Variants in GRK3 observed in about 807,000 individuals in gnomAD.
The protein encoded by GRK3 is G protein-coupled receptor kinase 3, also known as adrenergic, beta, receptor kinase 2.
Under a neutral mutation model 95.7 loss-of-function variants are expected in GRK3, and 54 were observed. The ratio of observed to expected loss-of-function variants is 0.56; its 90% confidence interval spans 0.45 to 0.71. The LOEUF (loss-of-function observed/expected upper bound fraction) is 0.71, where lower values mean the gene tolerates loss of function less well. GRK3 is among the 30% of genes least tolerant of loss of function. The pLI is 0.00. For synonymous variants in GRK3, 281 were observed against 290.8 expected, an observed-to-expected ratio of 0.97 and a Z score of 0.34; for missense variants, 649 against 851.2, an observed-to-expected ratio of 0.76 and a Z score of 2.96.
chr22:25,677,595 G>A (rs561494988), intron 8 of GRK3, among the ~76,000 whole-genome samples: 5 of 152,182 alleles, frequency 3.3e-5, no homozygotes, highest in African/African-American at 7.2e-5. Context: ...GTAAGAACTC[G>A]TAGAAAAGTG....
At chr22:25,596,079 A>G (rs1330539435) in intron 1 of GRK3, among the ~76,000 whole-genome samples, 1 of 152,252 alleles carries the variant, frequency 6.6e-6, no homozygotes, top group Non-Finnish European at 1.5e-5. Context: ...AGAAGGGAAG[A>G]GTAAAAATCA....
At chr22:25,611,490 T>C (rs2084497117) in intron 2 of GRK3, among the ~76,000 whole-genome samples, 1 of 152,242 alleles carries the variant, frequency 6.6e-6, no homozygotes, top group Admixed American at 6.5e-5. Flanking sequence ...TACTTGTTGT[T>C]ACCCGTCTTT....
At chr22:25,693,703 T>C (rs188634933) in intron 12 of GRK3, among the ~76,000 whole-genome samples, 3 of 152,206 alleles carry the variant, frequency 2.0e-5, no homozygotes, top group Non-Finnish European at 2.9e-5. Context: ...TGACCCAGGC[T>C]TATTAGTGAT....
chr22:25,600,773 A>G (rs2146337288), intron 1 of GRK3, among the ~76,000 whole-genome samples: 1 of 152,332 alleles, frequency 6.6e-6, no homozygotes, highest in Middle Eastern at 3.4e-3. Context: ...TAAACTGGAA[A>G]CTTATTTTAA....
At chr22:25,646,237 A>G (rs946183970) in intron 3 of GRK3, among the ~76,000 whole-genome samples, 1 of 152,342 alleles carries the variant, frequency 6.6e-6, no homozygotes, top group South Asian at 2.1e-4. Flanking sequence ...TAAAATAACT[A>G]TGAATCATAT....
At chr22:25,595,738 A>G (rs1230242050) in intron 1 of GRK3, among the ~76,000 whole-genome samples, 1 of 151,936 alleles carries the variant, frequency 6.6e-6, no homozygotes, top group Admixed American at 6.6e-5. Flanking sequence ...CTTGAGGCCA[A>G]GAATTTAAGA....
At chr22:25,568,102 G>A (rs994829258) in intron 1 of GRK3, among the ~76,000 whole-genome samples, 1 of 152,214 alleles carries the variant, frequency 6.6e-6, no homozygotes, top group Non-Finnish European at 1.5e-5. Flanking sequence ...ACTGGGAGTA[G>A]TAAACTGTGA....
chr22:25,647,837 G>A (rs1257198756), intron 3 of GRK3: 2 of 766,892 alleles, frequency 2.6e-6, no homozygotes, highest in Admixed American at 1.8e-5. Context: ...ATGGCTGGGT[G>A]CAGTGGCTCA....
chr22:25,643,390 A>G (rs1274012022), intron 2 of GRK3, among the ~76,000 whole-genome samples: 1 of 152,242 alleles, frequency 6.6e-6, no homozygotes, highest in Non-Finnish European at 1.5e-5. Context: ...CGTTCCGGGA[A>G]CTATGAGGGG....
chr22:25,668,466 A>G (rs1214031459), intron 6 of GRK3, among the ~76,000 whole-genome samples: 3 of 152,218 alleles, frequency 2.0e-5, no homozygotes, highest in Admixed American at 2.0e-4. Flanking sequence ...CAGTAATTGC[A>G]CTTTAAGAAC....
intron 1 of GRK3, among the ~76,000 whole-genome samples, chr22:25,587,571 G>T (rs1380358418): frequency 6.6e-6 from 1 of 152,138 alleles, no homozygotes; most frequent in Non-Finnish European, 1.5e-5. Context: ...TGGGACCACA[G>T]ACACGTACCA....
At position 25,647,242 on chromosome 22, in the gene GRK3, G is replaced by A; in HGVS notation, c.264+2577G>A. 6.4e-6 allele frequency: 4 copies of A among 623,870 alleles called. No homozygotes were observed. The South Asian group carries it at 7.4e-5, about 12-fold the overall frequency. The allele number at this position is 623,870 out of a possible 1,614,324, so 38.6% of individuals were successfully genotyped here. A position where few individuals can be genotyped will look rare whatever the true frequency, so the allele number is the denominator to read the frequency against. ...AGCAGCAGCGACTCATGAGAGCACA[G>A]CCAGAGGACAGATTTGATAATGGGC... is the stretch of plus-strand genomic sequence containing the variant. On this transcript the variant is annotated intron_variant, in intron 3 of 20. Coordinates refer to ENST00000324198, the MANE Select transcript of GRK3 (RefSeq NM_005160.4).
At chr22:25,579,544 C>T (rs1485583597) in intron 1 of GRK3, among the ~76,000 whole-genome samples, 1 of 151,770 alleles carries the variant, frequency 6.6e-6, no homozygotes, top group Non-Finnish European at 1.5e-5. Context: ...ATGATCTCAG[C>T]TCACTTCAAG....
rs183637529 is a variant in GRK3 at position 25,595,565 on chromosome 22, C to T, written c.114-8812C>T. Among the ~76,000 whole-genome samples the T allele has an allele frequency of 3.9e-5, 6 of 152,124 alleles. No homozygotes were observed. In the East Asian group the frequency reaches 1.2e-3, roughly 29 times the overall value. On this transcript the variant is annotated intron_variant, in intron 1 of 20. Transcript: ENST00000324198. ...ACAGTGAAGAAAATTACAAGTAGAA[C>T]ATAAGGGAATAGTCAAGAATTGTAG...
At chr22:25,693,080 G>A (rs2085177910) in intron 12 of GRK3, among the ~76,000 whole-genome samples, 1 of 152,228 alleles carries the variant, frequency 6.6e-6, no homozygotes, top group Non-Finnish European at 1.5e-5. Context: ...AAGTAGCCAT[G>A]AAAAAATCGC....
At chr22:25,572,036 T>C (rs1601442642) in intron 1 of GRK3, among the ~76,000 whole-genome samples, 1 of 147,440 alleles carries the variant, frequency 6.8e-6, no homozygotes, top group Admixed American at 6.8e-5. Context: ...GACCCTGGTG[T>C]ATGATGTTCC....
intron 1 of GRK3, among the ~76,000 whole-genome samples, chr22:25,586,898 CT>C (rs59502085): frequency 0.11 from 15,462 of 146,306 alleles, 2,397 homozygotes; most frequent in African/African-American, 0.35. Flanking sequence ...CCCTTGCAAT[CT>C]TTTTTTTTTT....
rs113176280 is a variant in GRK3 at position 25,714,169 on chromosome 22, T to C, written c.1492-239T>C. On this transcript the variant is annotated intron_variant, in intron 17 of 20. Coordinates refer to ENST00000324198, the MANE Select transcript of GRK3 (RefSeq NM_005160.4). ...ATAGTATACAAGATTGGGTTGATTGTAGCTGATCCAGGACTGAAAGTGAAG... is the reference window on the plus strand; with the variant it reads ...ATAGTATACAAGATTGGGTTGATTGCAGCTGATCCAGGACTGAAAGTGAAG... 5.1e-3 allele frequency among the ~76,000 whole-genome samples: 778 copies of C among 152,342 alleles called. 7 individuals are homozygous for C. The highest frequency in any genetic ancestry group is 0.018 in the African/African-American group (754 of 41,568).
chr22:25,598,198 AG>A (rs1227192000), intron 1 of GRK3, among the ~76,000 whole-genome samples: 1 of 152,218 alleles, frequency 6.6e-6, no homozygotes, highest in Non-Finnish European at 1.5e-5. Flanking sequence ...TGTTATTTAG[AG>A]GTAGACTATG....
Sources: allele counts gnomAD v4.1 joint callset (sites outside exome capture counted in the v4.1 genomes callset), GRCh38; gene constraint gnomAD v4.1.1; transcripts MANE v1.5; gene names NCBI Gene and HGNC (gene_info 2026-07-23, HGNC 2026-07-21).